The following ERV3-1 variants were observed in gnomAD, a reference collection of about 807,000 sequenced individuals.
ERV3-1 encodes endogenous retrovirus group 3 member 1 Env polyprotein.
In ERV3-1, 36 loss-of-function variants were observed where a neutral mutation model predicts 24.6. The ratio of observed to expected loss-of-function variants is 1.47; its 90% confidence interval spans 1.12 to 1.94. ERV3-1 has a LOEUF of 1.94. Ranked by LOEUF, ERV3-1 falls within the 30% of genes most tolerant of loss-of-function variation. The pLI is 0.00. For missense variants in ERV3-1, 578 were observed against 330.9 expected (o/e 1.75, Z -5.79); for synonymous variants, 211 against 122.6 (o/e 1.72, Z -4.76).
In ERV3-1 at chr7:64,992,643, G is replaced by C; in HGVS notation, c.384C>G (p.Ser128=). ...SLYFDVCQIV[S]MGSLFPVIFS... Reference sequence around the variant, plus strand: ...AGATTACGGGAAAGAGTGAGCCCATGGATACTATCTGGCAAACATCAAAGT... The same window carrying C: ...AGATTACGGGAAAGAGTGAGCCCATCGATACTATCTGGCAAACATCAAAGT... The change falls in exon 2 of 2, where the codon TCC becomes TCG. Residue 128 remains serine, a synonymous_variant. Coordinates refer to ENST00000394323, the MANE Select transcript of ERV3-1 (RefSeq NM_001007253.4). The C allele has an allele frequency of 1.3e-6, 1 of 766,090 alleles. No homozygotes were observed. The highest frequency in any genetic ancestry group is 2.4e-6 in the Non-Finnish European group (1 of 417,812). The allele number at this position is 766,090 out of a possible 1,614,324, so 47.5% of individuals were successfully genotyped here. A position where few individuals can be genotyped will look rare whatever the true frequency, so the allele number is the denominator to read the frequency against.
Position 65,006,561 on chromosome 7 carries a change from G to A in ERV3-1, c.-409C>T, listed in dbSNP as rs1786655419. Reference sequence around the variant, plus strand: ...CTCACCATTTCTAGGCTTCCAGTGGGTCCTGGCGTCTTAGCTGTGGATCTC... The same window carrying A: ...CTCACCATTTCTAGGCTTCCAGTGGATCCTGGCGTCTTAGCTGTGGATCTC... On this transcript the variant is annotated 5_prime_UTR_variant, in exon 1 of 2. Transcript: ENST00000394323. The A allele has an allele frequency of 6.3e-7, 1 of 1,575,976 alleles. No homozygotes were observed. The highest frequency in any genetic ancestry group is 1.7e-5 in the Admixed American group (1 of 59,664).
In ERV3-1 at chr7:64,992,024, A is replaced by G. The variant is rs1295272305; in HGVS notation, c.1003T>C (p.Phe335Leu). Residue 335 changes from phenylalanine (F) to leucine (L), a missense_variant, in exon 2 of 2, where the codon TTC (phenylalanine) becomes CTC (leucine). Transcript: ENST00000394323. ...TTTCCAATAATGGAGGTTTTTAAGAACCAGATGCTCTGACTTGATGGTGCA... is the reference window on the plus strand; with the variant it reads ...TTTCCAATAATGGAGGTTTTTAAGAGCCAGATGCTCTGACTTGATGGTGCA... ...EPAPSSQSIW[F>L]LKTSIIGKFC... 1 of 766,350 alleles carries G rather than the reference A, an allele frequency of 1.3e-6. No individual in the cohort carries two copies. The highest frequency in any genetic ancestry group is 1.7e-5 in the Admixed American group (1 of 59,018). The allele number at this position is 766,350 out of a possible 1,614,324, so 47.5% of individuals were successfully genotyped here. A position where few individuals can be genotyped will look rare whatever the true frequency, so the allele number is the denominator to read the frequency against.
rs11768502 is a variant in ERV3-1 at position 64,995,471 on chromosome 7, C to T, written c.-388-2057G>A. Among the ~76,000 whole-genome samples, 301 of 152,326 alleles carry T rather than the reference C, an allele frequency of 2.0e-3. 1 individual carries two copies. The highest frequency in any genetic ancestry group is 3.4e-3 in the Middle Eastern group (1 of 294). On this transcript the variant is annotated intron_variant, in intron 1 of 1. Coordinates refer to ENST00000394323, the MANE Select transcript of ERV3-1 (RefSeq NM_001007253.4). ...GGGCTTCTTTGATTTGTTTAAACAC[C>T]TTCTTCTGGTCAGCCTTTCAGAGGA...
In ERV3-1 at chr7:64,992,698, A is replaced by G. The variant is rs1215185342; in HGVS notation, c.329T>C (p.Phe110Ser). 2.6e-6 allele frequency: 2 copies of G among 766,392 alleles called. No homozygotes were observed. Among genetic ancestry groups the G allele is most frequent in the Non-Finnish European group, 2.4e-6 (1 of 417,888 alleles). 47.5% of individuals were successfully genotyped at this position (766,392 alleles called of 1,614,324 possible). Residue 110 changes from phenylalanine (F) to serine (S), a missense_variant, in exon 2 of 2, where the codon TTT becomes TCT. By Grantham distance (155) the Phe-to-Ser change is radical. Transcript: ENST00000394323. ...GGATACGACATCCTTGCCAGAGGGA[A>G]ATACCTTGGTTTGGTTTAGAAGATC... The part of the protein sequence containing the change: ...EGDLLNQTKV[F>S]PSGKDVVSLY...
intron 1 of ERV3-1, among the ~76,000 whole-genome samples, chr7:64,998,136 T>C (rs1363000129): frequency 6.6e-6 from 1 of 152,142 alleles, no homozygotes; most frequent in Non-Finnish European, 1.5e-5. Context: ...GGGGGATAGA[T>C]TGGCACATAG....
At position 64,992,193 on chromosome 7, in the gene ERV3-1, T is replaced by C. The variant is rs200952382; in HGVS notation, c.834A>G (p.Gln278=). Residue 278 remains glutamine, a synonymous_variant, in exon 2 of 2, where the codon CAA becomes CAG. Coordinates refer to ENST00000394323, the MANE Select transcript of ERV3-1 (RefSeq NM_001007253.4). ...PPPLASNLFA[Q]LAENIASSLH... The stretch of plus-strand genomic sequence containing the variant: ...GGCTGCTGGCTATGTTTTCAGCCAG[T>C]TGGGCGAATAAATTACTGGCCAAGG... 9.1e-6 allele frequency: 7 copies of C among 766,300 alleles called. No individual in the cohort carries two copies. Among genetic ancestry groups the C allele is most frequent in the Admixed American group, 5.1e-5 (3 of 59,006 alleles). 47.5% of individuals were successfully genotyped at this position (766,300 alleles called of 1,614,324 possible).
At chr7:64,998,991 G>A (rs1021056847) in intron 1 of ERV3-1, among the ~76,000 whole-genome samples, 1 of 152,068 alleles carries the variant, frequency 6.6e-6, no homozygotes, top group Admixed American at 6.5e-5. Context: ...GGTCAGTTGG[G>A]GTGTAGGTTT....
At chr7:65,001,805 T>C (rs1205119685) in intron 1 of ERV3-1, among the ~76,000 whole-genome samples, 2 of 152,184 alleles carry the variant, frequency 1.3e-5, no homozygotes, top group African/African-American at 2.4e-5. Flanking sequence ...CAACACATTG[T>C]CTAAAATTTG....
intron 1 of ERV3-1, among the ~76,000 whole-genome samples, chr7:65,001,991 G>C (rs1006800601): frequency 6.6e-6 from 1 of 152,106 alleles, no homozygotes; most frequent in Non-Finnish European, 1.5e-5. Context: ...TTATAGAGCT[G>C]CTCACAGAAC....
intron 1 of ERV3-1, among the ~76,000 whole-genome samples, chr7:64,998,011 A>T (rs1223074512): frequency 6.6e-6 from 1 of 152,102 alleles, no homozygotes; most frequent in Admixed American, 6.6e-5. Context: ...CTGCTTGATC[A>T]TCCTGACTTT....
rs755003688 is a variant in ERV3-1, at chr7:64,991,752, T to C, written c.1275A>G (p.Ala425=). The C allele has an allele frequency of 5.9e-5, 45 of 766,036 alleles. No individual in the cohort carries two copies. The East Asian group carries it at 7.0e-4, about 12-fold the overall frequency. 47.5% of individuals were successfully genotyped at this position (766,036 alleles called of 1,614,324 possible). ...ACCATTTAGCTGGCAGTTGTCGATA[T>C]GCTTGTGGCCCACAGATCCAGTAGA... ...SGLYWICGPQ[A]YRQLPAKWSG... is the part of the protein sequence containing the mutation. Residue 425 remains alanine (A), a synonymous_variant, in exon 2 of 2, where the codon GCA becomes GCG. Coordinates refer to ENST00000394323, the MANE Select transcript of ERV3-1 (RefSeq NM_001007253.4).
rs184319825 is a variant in ERV3-1, at chr7:64,993,405, A to T, written c.-379T>A. On this transcript the variant is annotated 5_prime_UTR_variant, in exon 2 of 2. The change creates a new upstream start codon in the 5' untranslated region. Coordinates refer to ENST00000394323, the MANE Select transcript of ERV3-1 (RefSeq NM_001007253.4). The stretch of plus-strand genomic sequence containing the variant: ...ACTGGATGGATGGATCCAAGGCACA[A>T]TTCCTGCAACTTTAACAACAGTGGG... The T allele has an allele frequency of 4.5e-4, 85 of 187,774 alleles. No individual in the cohort carries two copies. The highest frequency in any genetic ancestry group is 1.8e-3 in the African/African-American group (79 of 42,816). 11.6% of individuals were successfully genotyped at this position (187,774 alleles called of 1,614,324 possible). A position where few individuals can be genotyped will look rare whatever the true frequency, so the allele number is the denominator to read the frequency against.
intron 1 of ERV3-1, among the ~76,000 whole-genome samples, chr7:65,000,818 A>G (rs1315744977): frequency 6.6e-6 from 1 of 152,162 alleles, no homozygotes; most frequent in Admixed American, 6.5e-5. Context: ...AATATTTAAT[A>G]AAAACAAAAT....
rs1608717 is a variant in ERV3-1 at position 64,990,425 on chromosome 7, T to G, written c.*787A>C. 170,503 of 185,604 alleles carry G rather than the reference T, an allele frequency of 0.92. 78,671 individuals carry two copies. Among genetic ancestry groups the G allele is most frequent in the South Asian group, 0.97 (6,726 of 6,940 alleles). The allele number at this position is 185,604 out of a possible 1,614,324, so 11.5% of individuals were successfully genotyped here. On this transcript the variant is annotated 3_prime_UTR_variant, in exon 2 of 2. Transcript: ENST00000394323. ...GGATTAACATCCAAAGGCTGAGCCC[T>G]GAACAAAGACAGGGCTTGACTTTTA...
chr7:64,996,161 G>A (rs1786405616), intron 1 of ERV3-1, among the ~76,000 whole-genome samples: 1 of 152,180 alleles, frequency 6.6e-6, no homozygotes, highest in Non-Finnish European at 1.5e-5. Context: ...CAGCATGCAA[G>A]CCCTGCACCG....
At chr7:65,001,418 G>C (rs1025978076) in intron 1 of ERV3-1, among the ~76,000 whole-genome samples, 1 of 152,178 alleles carries the variant, frequency 6.6e-6, no homozygotes, top group African/African-American at 2.4e-5. Flanking sequence ...ACTTTTGTGG[G>C]TTTTTGGCAA....
At position 64,992,233 on chromosome 7, in the gene ERV3-1, A is replaced by G. The variant is rs1198188064; in HGVS notation, c.794T>C (p.Leu265Ser). ...ACTGGCCAAGGGAGGGGGCTCAGGC[A>G]ATTTCTGGTTAACATGCTCATAGAA... Reference protein sequence around the residue: ...ESFYEHVNQKLPEPPPLASNL... With the variant: ...ESFYEHVNQKSPEPPPLASNL... Residue 265 changes from leucine (L) to serine (S), a missense_variant, in exon 2 of 2, where the codon TTG (leucine) becomes TCG (serine). By Grantham distance (145) the Leu-to-Ser change is moderately radical. Transcript: ENST00000394323. 3 of 766,208 alleles carry G rather than the reference A, an allele frequency of 3.9e-6. No homozygotes were observed. In the African/African-American group the frequency reaches 5.1e-5, roughly 13 times the overall value. The allele number at this position is 766,208 out of a possible 1,614,324, so 47.5% of individuals were successfully genotyped here. A position where few individuals can be genotyped will look rare whatever the true frequency, so the allele number is the denominator to read the frequency against.
intron 1 of ERV3-1, chr7:65,004,652 C>A (rs1786598096): frequency 6.6e-6 from 1 of 152,046 alleles, no homozygotes; most frequent in African/African-American, 2.4e-5. Context: ...AGGTGACAAA[C>A]CCAGGGAGCT....
At chr7:65,005,193 A>T (rs1786618202) in intron 1 of ERV3-1, 1 of 153,018 alleles carries the variant, frequency 6.5e-6, no homozygotes, top group Non-Finnish European at 1.5e-5. Flanking sequence ...CCAGGCCAGG[A>T]GCTGAAATTT....
Sources: gnomAD v4.1 joint callset for allele counts (sites outside exome capture counted in the v4.1 genomes callset) on GRCh38, gnomAD v4.1.1 for gene constraint, MANE v1.5 for transcripts, NCBI Gene and HGNC (gene_info 2026-07-23, HGNC 2026-07-21) for gene names.